Variants in ZSWIM3 observed in about 807,000 individuals in gnomAD.
The protein encoded by ZSWIM3 is zinc finger SWIM domain-containing protein 3.
ZSWIM3 carries 27 observed loss-of-function variants against 47.5 expected under a neutral mutation model. That is an observed-to-expected ratio of 0.57 (90% CI 0.42 to 0.78). The LOEUF (loss-of-function observed/expected upper bound fraction) is 0.78, where lower values mean the gene tolerates loss of function less well. Ranked by LOEUF, ZSWIM3 falls within the 30% of genes least tolerant of loss-of-function variation. The pLI, the probability that ZSWIM3 is intolerant of heterozygous loss-of-function variation, is 0.00. For synonymous variants in ZSWIM3, 333 were observed against 333.9 expected, an observed-to-expected ratio of 1.00 and a Z score of 0.03; for missense variants, 689 against 861.3, an observed-to-expected ratio of 0.80 and a Z score of 2.50.
At position 45,857,699 on chromosome 20, in the gene ZSWIM3, G is replaced by T; in HGVS notation, c.-127G>T. On this transcript the variant is annotated 5_prime_UTR_variant, in exon 1 of 2. Coordinates refer to ENST00000255152, the MANE Select transcript of ZSWIM3 (RefSeq NM_080752.4). ...GAGTTCCAGAATAGGCCACCCAGTT[G>T]GGGCGGACCCTTAAGGCATTCTGGG... 1 of 1,185,840 alleles carries T rather than the reference G, an allele frequency of 8.4e-7. No homozygotes were observed. 73.5% of individuals were successfully genotyped at this position (1,185,840 alleles called of 1,614,324 possible).
At chr20:45,874,827 G>A (rs1426149338) in intron 1 of ZSWIM3, among the ~76,000 whole-genome samples, 3 of 152,060 alleles carry the variant, frequency 2.0e-5, no homozygotes, top group Non-Finnish European at 1.5e-5. Flanking sequence ...AATGGAGTTG[G>A]GGCTTAGAAG....
At chr20:45,865,443 G>A (rs933756994) in intron 1 of ZSWIM3, among the ~76,000 whole-genome samples, 9 of 151,634 alleles carry the variant, frequency 5.9e-5, no homozygotes, top group East Asian at 3.9e-4. Flanking sequence ...AGCCAAGATC[G>A]TGCCACTGTA....
rs1305609166 is a variant in ZSWIM3, at chr20:45,878,480, G to A, written c.1922G>A (p.Arg641His). ...MQTEGPELEE[R>H]YSTLRKIVDI... ...ACCGAGGGGCCAGAGCTGGAGGAAC[G>A]CTACTCCACCCTGCGCAAGATTGTG... The change falls in exon 2 of 2, where the codon CGC (arginine) becomes CAC (histidine). Residue 641 changes from arginine (R) to histidine (H), a missense_variant. By Grantham distance (29) the Arg-to-His change is conservative. Transcript: ENST00000255152. The A allele has an allele frequency of 3.1e-6, 5 of 1,614,084 alleles. No individual in the cohort carries two copies. The highest frequency in any genetic ancestry group is 1.3e-5 in the African/African-American group (1 of 74,944).
intron 1 of ZSWIM3, among the ~76,000 whole-genome samples, chr20:45,871,098 G>T (rs935241625): frequency 2.0e-5 from 3 of 152,144 alleles, no homozygotes; most frequent in Non-Finnish European, 4.4e-5. Context: ...CTTCTATTGA[G>T]ATATAACATG....
intron 1 of ZSWIM3, chr20:45,872,655 C>T (rs1451693312): frequency 1.7e-6 from 2 of 1,186,326 alleles, no homozygotes; most frequent in African/African-American, 1.6e-5. Context: ...AAGTTGTAGG[C>T]ATTTTGTCTT....
intron 1 of ZSWIM3, among the ~76,000 whole-genome samples, chr20:45,865,225 A>T (rs2145787270): frequency 6.6e-6 from 1 of 152,020 alleles, no homozygotes; most frequent in South Asian, 2.1e-4. Flanking sequence ...AGGCTGAGGC[A>T]GGAGAATCGC....
At chr20:45,864,768 G>A (rs1985794983) in intron 1 of ZSWIM3, among the ~76,000 whole-genome samples, 3 of 152,210 alleles carry the variant, frequency 2.0e-5, no homozygotes, top group Admixed American at 2.0e-4. Context: ...GGCTGAGGCA[G>A]GAGGATCCCT....
At chr20:45,866,115 C>A (rs1341552677) in intron 1 of ZSWIM3, among the ~76,000 whole-genome samples, 1 of 148,564 alleles carries the variant, frequency 6.7e-6, no homozygotes, top group African/African-American at 2.5e-5. Flanking sequence ...ACCAGCCTGG[C>A]CAACATGGTG....
At position 45,878,569 on chromosome 20, in the gene ZSWIM3, G is replaced by T; in HGVS notation, c.2011G>T (p.Val671Leu). The T allele has an allele frequency of 6.2e-7, 1 of 1,614,094 alleles. No individual in the cohort carries two copies. The highest frequency in any genetic ancestry group is 8.5e-7 in the Non-Finnish European group (1 of 1,180,020). The change falls in exon 2 of 2, where the codon GTG becomes TTG. Residue 671 changes from valine to leucine, a missense_variant. By Grantham distance (32) the Val-to-Leu change is conservative. Transcript: ENST00000255152. ...LFQQPGDFKD[V>L]GRLPFLWGKQ... ...TCAGCAGCCAGGAGACTTTAAGGAC[G>T]TGGGCCGCCTCCCTTTCCTCTGGGG...
chr20:45,863,177 T>TTTTG (rs1555827178), intron 1 of ZSWIM3, among the ~76,000 whole-genome samples: 1,142 of 111,332 alleles, frequency 0.01, 20 homozygotes, highest in African/African-American at 0.031. Flanking sequence ...TTGTTTTTTT[T>TTTTG]TTTGTTTGTT....
In ZSWIM3 at chr20:45,878,334, T is replaced by C. The variant is rs745501714; in HGVS notation, c.1776T>C (p.Leu592=). 2 of 1,614,210 alleles carry C rather than the reference T, an allele frequency of 1.2e-6. No individual in the cohort carries two copies. The highest frequency in any genetic ancestry group is 1.6e-4 in the Middle Eastern group (1 of 6,062). Residue 592 remains leucine, a synonymous_variant, in exon 2 of 2, where the codon CTT becomes CTC. Coordinates refer to ENST00000255152, the MANE Select transcript of ZSWIM3 (RefSeq NM_080752.4). The part of the protein sequence containing the change: ...RRWQKKYQYL[L]GPNGELQDRG... ...GGCAGAAGAAGTACCAGTACCTCCT[T>C]GGGCCCAATGGGGAGCTCCAGGATC...
rs1985576705 is a variant in ZSWIM3 at position 45,857,924 on chromosome 20, C to T, written c.99C>T (p.Cys33=). ...GGTGCTCCTTCATTCTCAGGGACTG[C>T]GTCTCCGTCCGCTTCCACAACCTCA... ...ENRCSFILRD[C]VSVRFHNLNH... Residue 33 remains cysteine (C), a synonymous_variant, in exon 1 of 2, where the codon TGC becomes TGT. Transcript: ENST00000255152. The T allele has an allele frequency of 1.9e-6, 3 of 1,608,090 alleles. No individual in the cohort carries two copies. Among genetic ancestry groups the T allele is most frequent in the Non-Finnish European group, 2.5e-6 (3 of 1,176,932 alleles).
At chr20:45,859,816 A>AAAAAAAAAAAAAAAC (rs146830909) in intron 1 of ZSWIM3, among the ~76,000 whole-genome samples, 3 of 129,304 alleles carry the variant, frequency 2.3e-5, no homozygotes, top group Non-Finnish European at 3.2e-5. Context: ...AAAAAAAAAA[A>AAAAAAAAAAAAAAAC]CCACAGTTGC....
At chr20:45,870,571 T>A (rs1985951081) in intron 1 of ZSWIM3, among the ~76,000 whole-genome samples, 2 of 152,354 alleles carry the variant, frequency 1.3e-5, no homozygotes, top group South Asian at 4.1e-4. Flanking sequence ...TTTAAATTAA[T>A]TCACTTTAAG....
chr20:45,862,888 G>A (rs113960911), intron 1 of ZSWIM3, among the ~76,000 whole-genome samples: 1,995 of 152,192 alleles, frequency 0.013, 46 homozygotes, highest in African/African-American at 0.046. Context: ...CTCCCTCCTC[G>A]GCCTTGGAAA....
At chr20:45,860,253 G>T (rs1166512795) in intron 1 of ZSWIM3, among the ~76,000 whole-genome samples, 4 of 152,132 alleles carry the variant, frequency 2.6e-5, no homozygotes, top group Admixed American at 2.6e-4. Flanking sequence ...AGTGGCTGAT[G>T]CCTGTAATCC....
rs529042330 is a variant in ZSWIM3 at position 45,867,265 on chromosome 20, C to T, written c.155+9285C>T. ...CAAGTGATCCACCCACCTCAGCCTC[C>T]CAAAGTTCTGGGATTACAGGTGTGA... On this transcript the variant is annotated intron_variant, in intron 1 of 1. Transcript: ENST00000255152. Among the ~76,000 whole-genome samples, 62 of 152,164 alleles carry T rather than the reference C, an allele frequency of 4.1e-4. 1 individual carries two copies. The East Asian group carries it at 6.8e-3, about 17-fold the overall frequency.
rs766985487 is a variant in ZSWIM3 at position 45,876,861 on chromosome 20, A to G, written c.303A>G (p.Ile101Met). The change falls in exon 2 of 2, where the codon ATA becomes ATG. Residue 101 changes from isoleucine to methionine, a missense_variant. By Grantham distance (10) the Ile-to-Met change is conservative (BLOSUM62 1). Coordinates refer to ENST00000255152, the MANE Select transcript of ZSWIM3 (RefSeq NM_080752.4). ...LFISELNTQHIHGDSKVASPG... is the reference protein window; with the variant it reads ...LFISELNTQHMHGDSKVASPG... The stretch of plus-strand genomic sequence containing the variant: ...TCAGTGAACTAAACACACAGCACAT[A>G]CATGGTGACTCTAAAGTGGCTAGTC... 2 of 1,614,102 alleles carry G rather than the reference A, an allele frequency of 1.2e-6. No homozygotes were observed. The highest frequency in any genetic ancestry group is 1.3e-5 in the African/African-American group (1 of 74,938).
chr20:45,878,155 G>A lies in ZSWIM3; in HGVS notation c.1597G>A (p.Val533Ile), dbSNP rs558799104. ...GGACATGGCTGGCTCTTCAGTGGAC[G>A]TTCAGCTGCTAGAGGACTCTCACCA... ...LVDMAGSSVD[V>I]QLLEDSHQVS... Residue 533 changes from valine to isoleucine, a missense_variant, in exon 2 of 2, where the codon GTT (valine) becomes ATT (isoleucine). Val to Ile is a conservative substitution (Grantham distance 29, BLOSUM62 3). Coordinates refer to ENST00000255152, the MANE Select transcript of ZSWIM3 (RefSeq NM_080752.4). 2.7e-5 allele frequency: 44 copies of A among 1,614,184 alleles called. No homozygotes were observed. In the East Asian group the frequency reaches 6.9e-4, roughly 25 times the overall value.
Sources: allele counts gnomAD v4.1 joint callset (sites outside exome capture counted in the v4.1 genomes callset), GRCh38; gene constraint gnomAD v4.1.1; transcripts MANE v1.5; gene names NCBI Gene and HGNC (gene_info 2026-07-23, HGNC 2026-07-21).